CHEK2: variants seen among roughly 807,000 people sequenced by gnomAD.
CHEK2 encodes the protein checkpoint kinase 2, also known as serine/threonine-protein kinase Chk2.
CHEK2 carries 71 observed loss-of-function variants against 69.1 expected under a neutral mutation model. That is an observed-to-expected ratio of 1.03 (90% CI 0.85 to 1.25). The LOEUF (loss-of-function observed/expected upper bound fraction) is 1.25, where lower values mean the gene tolerates loss of function less well. Among genes scored for constraint, CHEK2 ranks in the 50% most tolerant of loss-of-function variants. The pLI, the probability that CHEK2 is intolerant of heterozygous loss-of-function variation, is 0.00. For missense variants in CHEK2, 664 were observed against 649.6 expected (o/e 1.02, Z -0.24); for synonymous variants, 189 against 226.9 (o/e 0.83, Z 1.50).
chr22:28,739,175 C>T (rs1273494021), intron 1 of CHEK2, among the ~76,000 whole-genome samples: 1 of 151,934 alleles, frequency 6.6e-6, no homozygotes, highest in African/African-American at 2.4e-5. Flanking sequence ...TAGGCTGAGA[C>T]ACGAGAATCA....
chr22:28,712,023 G>A lies in CHEK2; in HGVS notation c.684-6C>T, dbSNP rs776400765. The A allele has an allele frequency of 2.5e-6, 4 of 1,599,544 alleles. No homozygotes were observed. The African/African-American group carries it at 4.0e-5, about 16-fold the overall frequency. ...TTACCTCTCCACAGGCACCACTAGA[G>A]GGAAAAACAAAGATAGTGATTGTCT... On this transcript the variant is annotated splice_region_variant and splice_polypyrimidine_tract_variant and intron_variant, in intron 5 of 14. Transcript: ENST00000404276.
At chr22:28,719,150 C>T (rs1042339400) in intron 5 of CHEK2, among the ~76,000 whole-genome samples, 1 of 151,926 alleles carries the variant, frequency 6.6e-6, no homozygotes, top group Admixed American at 6.6e-5. Flanking sequence ...GAGCTCTGAT[C>T]GTGCCACTAC....
chr22:28,709,372 C>T (rs531743728), intron 7 of CHEK2, among the ~76,000 whole-genome samples: 1 of 152,238 alleles, frequency 6.6e-6, no homozygotes, highest in East Asian at 1.9e-4. Context: ...CTAAAATTAA[C>T]ACTGTCTTCT....
chr22:28,733,012 G>A (rs191183112), intron 2 of CHEK2, among the ~76,000 whole-genome samples: 7 of 151,900 alleles, frequency 4.6e-5, no homozygotes, highest in African/African-American at 1.7e-4. Context: ...AGCTGGTTTC[G>A]AACTCCTGGC....
At chr22:28,700,716 GTTGT>G (rs1224968313) in intron 8 of CHEK2, among the ~76,000 whole-genome samples, 1 of 152,120 alleles carries the variant, frequency 6.6e-6, no homozygotes, top group African/African-American at 2.4e-5. Flanking sequence ...TACCTTGATG[GTTGT>G]TATAAAAATT....
intron 14 of CHEK2, among the ~76,000 whole-genome samples, chr22:28,688,685 G>T (rs1347028332): frequency 6.7e-6 from 1 of 148,290 alleles, no homozygotes; most frequent in Non-Finnish European, 1.5e-5. Flanking sequence ...AAAAAAATTG[G>T]GGGGAGGAAA....
In CHEK2 at chr22:28,695,159, A is replaced by C. The variant is rs17886163; in HGVS notation, c.1343T>G (p.Ile448Ser). 1,550 of 1,612,248 alleles carry C rather than the reference A, an allele frequency of 9.6e-4. 11 individuals carry two copies. The African/African-American group carries it at 0.019, about 20-fold the overall frequency. The part of the protein sequence containing the change: ...DQITSGKYNF[I>S]PEVWAEVSEK... ...TGAGACTTCTGCCCAGACTTCAGGA[A>C]TGAAGTTGTATTTTCCACTGGTGAT... is the stretch of plus-strand genomic sequence containing the variant. The change falls in exon 12 of 15, where the codon ATT becomes AGT. Residue 448 changes from isoleucine (I) to serine (S), a missense_variant. Ile to Ser is a moderately radical substitution (Grantham distance 142). Transcript: ENST00000404276.
rs1446969002 is a variant in CHEK2 at position 28,741,788 on chromosome 22, C to G, written c.-26G>C. ...ACTCACCGCGTGAGCCCACCTGGAG[C>G]CGCACACTCTCCGCAGCCTCAGCCA... On this transcript the variant is annotated 5_prime_UTR_variant, in exon 1 of 15. Transcript: ENST00000404276. The G allele has an allele frequency of 2.1e-6, 1 of 484,350 alleles. No homozygotes were observed. The highest frequency in any genetic ancestry group is 3.8e-6 in the Non-Finnish European group (1 of 265,668). 30.0% of individuals were successfully genotyped at this position (484,350 alleles called of 1,614,324 possible). A position where few individuals can be genotyped will look rare whatever the true frequency, so the allele number is the denominator to read the frequency against.
At chr22:28,716,570 C>CTG (rs1299426854) in intron 5 of CHEK2, among the ~76,000 whole-genome samples, 1 of 152,166 alleles carries the variant, frequency 6.6e-6, no homozygotes, top group Non-Finnish European at 1.5e-5. Context: ...ACATCAGTTA[C>CTG]TGAATTCAGT....
At chr22:28,705,927 G>A (rs1294508042) in intron 7 of CHEK2, among the ~76,000 whole-genome samples, 1 of 149,512 alleles carries the variant, frequency 6.7e-6, no homozygotes. Context: ...TGGGCAACAA[G>A]AGTGAAACTC....
At chr22:28,728,575 C>T (rs1360275911) in intron 2 of CHEK2, among the ~76,000 whole-genome samples, 1 of 151,946 alleles carries the variant, frequency 6.6e-6, no homozygotes, top group Non-Finnish European at 1.5e-5. Context: ...GGTGGCGCGC[C>T]CCTGTAGTCC....
intron 7 of CHEK2, among the ~76,000 whole-genome samples, chr22:28,705,218 A>G (rs6005839): frequency 6.0e-4 from 91 of 151,516 alleles, no homozygotes; most frequent in African/African-American, 2.0e-3. Context: ...AGTTGGGATT[A>G]TGAGTGCCTG....
intron 5 of CHEK2, 24 bp from the exon 6 acceptor site, chr22:28,712,041 G>A: frequency 1.3e-6 from 2 of 1,542,476 alleles, no homozygotes; most frequent in Non-Finnish European, 1.8e-6. Context: ...CAAAGATAGT[G>A]ATTGTCTGAA....
At chr22:28,699,965 TC>T in intron 8 of CHEK2, 28 bp from the exon 9 acceptor site, 1 of 1,537,412 alleles carries the variant, frequency 6.5e-7, no homozygotes, top group Non-Finnish European at 9.0e-7. Context: ...GGCAAGGGGT[TC>T]ATTCCTGGGG....
chr22:28,688,995 G>A lies in CHEK2; in HGVS notation c.1542+140C>T. The A allele has an allele frequency of 5.9e-6, 4 of 673,312 alleles. No individual in the cohort carries two copies. In the South Asian group the frequency reaches 6.2e-5, roughly 10 times the overall value. The allele number at this position is 673,312 out of a possible 1,614,324, so 41.7% of individuals were successfully genotyped here. ...ATCTAAGGGTGCTGGAGCGAATCAA[G>A]TTAAAACAGAGTTTCTACTACATTA... On this transcript the variant is annotated intron_variant, in intron 14 of 14. Transcript: ENST00000404276.
At chr22:28,712,810 T>A (rs551040601) in intron 5 of CHEK2, among the ~76,000 whole-genome samples, 104 of 152,328 alleles carry the variant, frequency 6.8e-4, no homozygotes, top group Non-Finnish European at 1.1e-3. Context: ...GTGTTAAATA[T>A]ACATAACACA....
intron 8 of CHEK2, among the ~76,000 whole-genome samples, chr22:28,700,709 C>T (rs2052807409): frequency 6.6e-6 from 1 of 152,098 alleles, no homozygotes; most frequent in African/African-American, 2.4e-5. Context: ...TACCATCTAC[C>T]TTGATGGTTG....
At chr22:28,698,821 T>A (rs2052699155) in intron 9 of CHEK2, among the ~76,000 whole-genome samples, 1 of 152,070 alleles carries the variant, frequency 6.6e-6, no homozygotes, top group Non-Finnish European at 1.5e-5. Flanking sequence ...AAACACCTAG[T>A]TCTGAGCCAT....
intron 6 of CHEK2, 27 bp from the exon 7 acceptor site, chr22:28,710,086 A>G: frequency 7.1e-7 from 1 of 1,415,314 alleles, no homozygotes; most frequent in Non-Finnish European, 1.0e-6. Context: ...AACAGAGTTT[A>G]TTAGTAATAA....
Sources: allele counts gnomAD v4.1 joint callset (sites outside exome capture counted in the v4.1 genomes callset), GRCh38; gene constraint gnomAD v4.1.1; transcripts MANE v1.5; gene names NCBI Gene and HGNC (gene_info 2026-07-23, HGNC 2026-07-21).